PCDHA2: variants seen among roughly 807,000 people sequenced by gnomAD.
The protein encoded by PCDHA2 is protocadherin alpha 2, also known as protocadherin alpha-2.
A neutral mutation model predicts 66.0 loss-of-function variants in PCDHA2; 58 were observed. The observed-to-expected ratio is 0.88, with a 90% CI of 0.71 to 1.09. The LOEUF is 1.09. PCDHA2 is among the 50% of genes least tolerant of loss of function. The pLI is 0.00. For synonymous variants in PCDHA2, 634 were observed against 554.0 expected (o/e 1.14, Z -2.03); for missense variants, 1,267 against 1,242.3 (o/e 1.02, Z -0.30).
intron 1 of PCDHA2, chr5:140,813,080 G>A (rs1765223066): frequency 6.6e-6 from 1 of 152,134 alleles, no homozygotes; most frequent in African/African-American, 2.4e-5. Context: ...CCTGGAAAAT[G>A]CTCTGAGTGT....
chr5:140,824,056 G>A, intron 1 of PCDHA2: 2 of 1,614,176 alleles, frequency 1.2e-6, no homozygotes, highest in Non-Finnish European at 1.7e-6. Flanking sequence ...GTGCTCTGGG[G>A]AAGCTCCACC....
intron 1 of PCDHA2, chr5:140,856,080 A>G: frequency 6.3e-7 from 1 of 1,594,626 alleles, no homozygotes; most frequent in African/African-American, 1.3e-5. Context: ...CTGGGGGTCC[A>G]GTGTCTGCTG....
chr5:140,883,137 T>C (rs2153390787), intron 1 of PCDHA2: 1 of 1,614,036 alleles, frequency 6.2e-7, no homozygotes, highest in Admixed American at 1.7e-5. Flanking sequence ...CCTGCAGTGG[T>C]ATATGCATTT....
chr5:140,871,467 G>A (rs782618131), intron 1 of PCDHA2: 18 of 1,602,610 alleles, frequency 1.1e-5, no homozygotes, highest in Non-Finnish European at 1.3e-5. Context: ...GGGAAAGACA[G>A]GAGCCAGGGT....
At chr5:140,958,696 G>A (rs1276859394) in intron 1 of PCDHA2, among the ~76,000 whole-genome samples, 1 of 152,156 alleles carries the variant, frequency 6.6e-6, no homozygotes, top group African/African-American at 2.4e-5. Flanking sequence ...ATATCCTAGA[G>A]TGACAACTCT....
intron 1 of PCDHA2, among the ~76,000 whole-genome samples, chr5:140,958,752 T>A (rs1423879082): frequency 6.6e-6 from 1 of 152,166 alleles, no homozygotes; most frequent in Non-Finnish European, 1.5e-5. Context: ...AAAGGAGATT[T>A]TTACCCATTT....
chr5:140,975,588 A>G (rs2096673583), intron 1 of PCDHA2, among the ~76,000 whole-genome samples: 1 of 152,210 alleles, frequency 6.6e-6, no homozygotes, highest in South Asian at 2.1e-4. Context: ...CATGTCCCAG[A>G]GGGCAATTTG....
chr5:140,808,211 GACA>G (rs782593342), intron 1 of PCDHA2: 10 of 1,614,252 alleles, frequency 6.2e-6, no homozygotes, highest in Admixed American at 1.7e-5. Flanking sequence ...GGAAGTAGAA[GACA>G]ACAACGATAA....
intron 1 of PCDHA2, among the ~76,000 whole-genome samples, chr5:140,938,125 A>T (rs1339364898): frequency 6.6e-6 from 1 of 152,120 alleles, no homozygotes; most frequent in Non-Finnish European, 1.5e-5. Context: ...TTTTTTAAAA[A>T]AATAGAGATA....
intron 3 of PCDHA2, among the ~76,000 whole-genome samples, chr5:140,998,363 A>G (rs568271579): frequency 6.6e-6 from 1 of 152,316 alleles, no homozygotes; most frequent in Admixed American, 6.5e-5. Flanking sequence ...TAACCACTGC[A>G]CACACCGTCT....
intron 1 of PCDHA2, chr5:140,829,441 C>T (rs1554131960): frequency 6.2e-7 from 1 of 1,613,912 alleles, no homozygotes; most frequent in Non-Finnish European, 8.5e-7. Context: ...ACATGAATGA[C>T]AATGCTCCGG....
intron 1 of PCDHA2, chr5:140,884,468 C>T (rs925441051): frequency 2.5e-6 from 4 of 1,613,762 alleles, no homozygotes; most frequent in Non-Finnish European, 3.4e-6. Flanking sequence ...CGCGTGCGCG[C>T]CGGGCAAGCC....
intron 3 of PCDHA2, among the ~76,000 whole-genome samples, chr5:141,006,898 C>A (rs2098293427): frequency 6.6e-6 from 1 of 152,152 alleles, no homozygotes; most frequent in East Asian, 1.9e-4. Context: ...TTTCAGATTT[C>A]TTCAGTTTGG....
At chr5:140,831,691 C>A (rs2150109264) in intron 1 of PCDHA2, among the ~76,000 whole-genome samples, 1 of 152,138 alleles carries the variant, frequency 6.6e-6, no homozygotes, top group Admixed American at 6.6e-5. Context: ...TGAAAAGCAG[C>A]AAAAAGTAGT....
At chr5:140,897,682 A>G (rs1397590916) in intron 1 of PCDHA2, among the ~76,000 whole-genome samples, 3 of 152,186 alleles carry the variant, frequency 2.0e-5, no homozygotes, top group Non-Finnish European at 4.4e-5. Flanking sequence ...AGCATGATTT[A>G]TAGTCCTTTG....
At chr5:140,917,305 C>T (rs1554197951) in intron 1 of PCDHA2, among the ~76,000 whole-genome samples, 1 of 137,094 alleles carries the variant, frequency 7.3e-6, no homozygotes, top group African/African-American at 2.7e-5. Flanking sequence ...ATAGTTGTTA[C>T]AATTTGGTGT....
intron 1 of PCDHA2, among the ~76,000 whole-genome samples, chr5:140,913,995 A>T (rs541070374): frequency 6.6e-6 from 1 of 152,288 alleles, no homozygotes; most frequent in Admixed American, 6.5e-5. Context: ...TGTGACTAGC[A>T]TATGGTCTAT....
intron 1 of PCDHA2, among the ~76,000 whole-genome samples, chr5:140,975,052 T>C (rs2096651440): frequency 6.6e-6 from 1 of 152,206 alleles, no homozygotes; most frequent in South Asian, 2.1e-4. Context: ...AGGAAGAATC[T>C]ACTATCGAGC....
intron 1 of PCDHA2, chr5:140,856,129 C>T: frequency 6.3e-7 from 1 of 1,598,096 alleles, no homozygotes; most frequent in Non-Finnish European, 8.6e-7. Flanking sequence ...AGGTGGGGAG[C>T]GGCCAGCTCC....
Sources: allele counts gnomAD v4.1 joint callset (sites outside exome capture counted in the v4.1 genomes callset), GRCh38; gene constraint gnomAD v4.1.1; transcripts MANE v1.5; gene names NCBI Gene and HGNC (gene_info 2026-07-23, HGNC 2026-07-21).